The following PLP2 variants were observed in gnomAD, a reference collection of about 807,000 sequenced individuals.
The protein encoded by PLP2 is proteolipid protein 2.
In PLP2, 8 loss-of-function variants were observed where a neutral mutation model predicts 11.4. The ratio of observed to expected loss-of-function variants is 0.70; its 90% CI spans 0.41 to 1.27. The LOEUF (loss-of-function observed/expected upper bound fraction) is 1.27, where lower values mean the gene tolerates loss of function less well. Ranked by LOEUF, PLP2 falls within the 50% of genes most tolerant of loss-of-function variation. PLP2 has a pLI of 0.01. For missense variants in PLP2, 127 were observed against 123.5 expected, an observed-to-expected ratio of 1.03 and a Z score of -0.14; for synonymous variants, 50 against 53.2, an observed-to-expected ratio of 0.94 and a Z score of 0.26.
rs782798646 is a variant in PLP2, at chrX:49,172,137, G to A, written c.96+41G>A. 3.3e-5 allele frequency: 32 copies of A among 978,707 alleles called. No homozygotes were observed. In the South Asian group the frequency reaches 6.0e-4, roughly 18 times the overall value. 80.7% of individuals were successfully genotyped at this position (978,707 alleles called of 1,213,427 possible). A position where few individuals can be genotyped will look rare whatever the true frequency, so the allele number is the denominator to read the frequency against. ...CAGGCGCGTGGGCAAAAGCGGGATG[G>A]GGTGGCTGGACCATGCGGAACTGGA... On this transcript the variant is annotated intron_variant, in intron 1 of 4. Transcript: ENST00000376327.
At chrX:49,172,177 C>T (rs1312367673) in intron 1 of PLP2, 81 bp downstream of exon 1, 5 of 733,157 alleles carry the variant, frequency 6.8e-6, no homozygotes, top group Non-Finnish European at 1.0e-5. Flanking sequence ...CCGGGTGAGG[C>T]AGGCACTTGG....
At position 49,171,963 on chromosome X, in the gene PLP2, G is replaced by C; in HGVS notation, c.-38G>C. On this transcript the variant is annotated 5_prime_UTR_variant, in exon 1 of 5. Coordinates refer to ENST00000376327, the MANE Select transcript of PLP2 (RefSeq NM_002668.3). ...CGTCCTCGAAACCACGAGCAAGTGA[G>C]CAGATCCTCCGAGGCACCAGGGACT... 1.0e-6 allele frequency: 1 copy of C among 960,177 alleles called. No individual in the cohort carries two copies. 79.1% of individuals were successfully genotyped at this position (960,177 alleles called of 1,213,427 possible).
intron 3 of PLP2, among the ~76,000 whole-genome samples, chrX:49,174,053 A>G (rs782066536): frequency 9.0e-6 from 1 of 110,572 alleles, no homozygotes; most frequent in East Asian, 2.8e-4. Context: ...CCAGTGACAG[A>G]TGGGTGACAG....
Position 49,173,174 on chromosome X carries a change from G to C in PLP2, c.142G>C (p.Gly48Arg), listed in dbSNP as rs1317381664. 2 of 1,206,942 alleles carry C rather than the reference G, an allele frequency of 1.7e-6. No homozygotes were observed. The highest frequency in any genetic ancestry group is 3.5e-5 in the African/African-American group (2 of 56,809). Residue 48 changes from glycine (G) to arginine (R), a missense_variant, in exon 2 of 5, where the codon GGC becomes CGC. Gly to Arg is a moderately radical substitution (Grantham distance 125, BLOSUM62 -2). Coordinates refer to ENST00000376327, the MANE Select transcript of PLP2 (RefSeq NM_002668.3). ...ILICFSASTP[G>R]YSSLSVIEMI... ...GATCTGCTTCAGTGCCTCCACACCA[G>C]GCTACTCCTCCCTGTCGGTGATTGA...
At chrX:49,172,143 C>A in intron 1 of PLP2, 47 bp downstream of exon 1, 1 of 926,844 alleles carries the variant, frequency 1.1e-6, no homozygotes, top group Non-Finnish European at 1.5e-6. Context: ...GATGGGGTGG[C>A]TGGACCATGC....
intron 3 of PLP2, 168 bp downstream of exon 3, chrX:49,173,651 T>C (rs782049320): frequency 1.1e-4 from 118 of 1,038,881 alleles, no homozygotes; most frequent in Non-Finnish European, 1.5e-4. Flanking sequence ...TCCCAAGGTC[T>C]TCATTTGCTG....
At chrX:49,172,189 CG>C (rs1412943960) in intron 1 of PLP2, 93 bp downstream of exon 1, 44 of 646,995 alleles carry the variant, frequency 6.8e-5, no homozygotes, top group Non-Finnish European at 1.0e-4. Flanking sequence ...GGCACTTGGC[CG>C]GGGCGCTCGG....
chrX:49,173,716 G>C, intron 3 of PLP2: 1 of 623,139 alleles, frequency 1.6e-6, no homozygotes, highest in Non-Finnish European at 2.5e-6. Context: ...ACAAACAGGC[G>C]GCCCCTTTGT....
chrX:49,174,350 G>C lies in PLP2; in HGVS notation c.361G>C (p.Ala121Pro). 8.3e-7 allele frequency: 1 copy of C among 1,209,190 alleles called. No individual in the cohort carries two copies. The highest frequency in any genetic ancestry group is 1.1e-6 in the Non-Finnish European group (1 of 893,310). ...TGTCCCCCAGGTACTGGGCCTAATC[G>C]CTACGTGCCTCTTTGGCTATGATGC... ...KIVAGVLGLI[A>P]TCLFGYDAYV... The change falls in exon 4 of 5, where the codon GCT becomes CCT. Residue 121 changes from alanine to proline, a missense_variant. Physicochemically the swap from Ala to Pro is conservative, Grantham distance 27. Transcript: ENST00000376327.
intron 1 of PLP2, 73 bp from the exon 2 acceptor site, chrX:49,173,056 G>T: frequency 1.0e-6 from 1 of 990,188 alleles, no homozygotes; most frequent in Non-Finnish European, 1.4e-6. Context: ...CTTAGTATGG[G>T]ACCCCCAATT....
In PLP2 at chrX:49,173,209, T is replaced by C. The variant is rs1557099403; in HGVS notation, c.177T>C (p.Leu59=). ...CCCTGTCGGTGATTGAGATGATCCT[T>C]GCTGCTATTTTCTTTGTTGTCTACA... ...YSSLSVIEMI[L]AAIFFVVYMC... The change falls in exon 2 of 5, where the codon CTT becomes CTC. Residue 59 remains leucine (L), a synonymous_variant. Transcript: ENST00000376327. 8.3e-7 allele frequency: 1 copy of C among 1,209,859 alleles called. No individual in the cohort carries two copies. Among genetic ancestry groups the C allele is most frequent in the Admixed American group, 2.2e-5 (1 of 45,977 alleles).
chrX:49,173,619 T>A lies in PLP2; in HGVS notation c.345+136T>A, dbSNP rs782301397. ...TTGTCCTCAGACATGGAGGAAAGTC[T>A]GGCCCAGGACTTGGTTTTGCCTCCC... is the stretch of plus-strand genomic sequence containing the variant. On this transcript the variant is annotated intron_variant, in intron 3 of 4. Transcript: ENST00000376327. The A allele has an allele frequency of 4.3e-6, 5 of 1,150,958 alleles. No homozygotes were observed. In the African/African-American group the frequency reaches 7.2e-5, roughly 17 times the overall value. The allele number at this position is 1,150,958 out of a possible 1,213,427, so 94.9% of individuals were successfully genotyped here. A position where few individuals can be genotyped will look rare whatever the true frequency, so the allele number is the denominator to read the frequency against.
chrX:49,174,474 C>A, intron 4 of PLP2, 49 bp downstream of exon 4: 1 of 1,060,580 alleles, frequency 9.4e-7, no homozygotes, highest in Non-Finnish European at 1.3e-6. Flanking sequence ...GCTGAGAGGG[C>A]AGAGGGAAAA....
At position 49,174,912 on chromosome X, in the gene PLP2, C is replaced by G; in HGVS notation, c.*218C>G. ...GCCTAGGTCCTCCTTCTGCACGATC[C>G]AATAGGAGACACCAGTTCTGACTGA... On this transcript the variant is annotated 3_prime_UTR_variant, in exon 5 of 5. Coordinates refer to ENST00000376327, the MANE Select transcript of PLP2 (RefSeq NM_002668.3). 1 of 464,505 alleles carries G rather than the reference C, an allele frequency of 2.2e-6. No homozygotes were observed. The highest frequency in any genetic ancestry group is 3.2e-5 in the South Asian group (1 of 31,596). 38.3% of individuals were successfully genotyped at this position (464,505 alleles called of 1,213,427 possible).
In PLP2 at chrX:49,174,689, G is replaced by C; in HGVS notation, c.454G>C (p.Val152Leu). ...AAPTDPADGP[V>L] ...ACCTGCAGACCCCGCAGATGGCCCG[G>C]TGTAGGCGAACTTCCCTCATTTCTC... is the stretch of plus-strand genomic sequence containing the variant. Residue 152 changes from valine to leucine, a missense_variant, in exon 5 of 5, where the codon GTG (valine) becomes CTG (leucine). Val to Leu is a conservative substitution (Grantham distance 32). Transcript: ENST00000376327. The C allele has an allele frequency of 8.3e-7, 1 of 1,205,287 alleles. No homozygotes were observed. Among genetic ancestry groups the C allele is most frequent in the East Asian group, 3.0e-5 (1 of 33,839 alleles).
At chrX:49,173,659 C>A (rs1602594718) in intron 3 of PLP2, 176 bp downstream of exon 3, 1 of 1,002,227 alleles carries the variant, frequency 1.0e-6, no homozygotes, top group Non-Finnish European at 1.4e-6. Context: ...TCTTCATTTG[C>A]TGTGAAGGGA....
chrX:49,173,755 C>G (rs1252517217), intron 3 of PLP2: 2 of 482,613 alleles, frequency 4.1e-6, no homozygotes, highest in Non-Finnish European at 6.9e-6. Flanking sequence ...TCTGCAAGAA[C>G]TTTGTCCCAA....
At chrX:49,174,211 C>A in intron 3 of PLP2, 124 bp from the exon 4 acceptor site, 1 of 547,418 alleles carries the variant, frequency 1.8e-6, no homozygotes, top group Non-Finnish European at 3.2e-6. Flanking sequence ...CCTGGCTTAC[C>A]AACCCGGTGC....
rs1420886226 is a variant in PLP2 at position 49,171,911 on chromosome X, C to A, written c.-90C>A. 2 of 664,051 alleles carry A rather than the reference C, an allele frequency of 3.0e-6. No homozygotes were observed. The highest frequency in any genetic ancestry group is 2.6e-5 in the Admixed American group (1 of 38,273). The allele number at this position is 664,051 out of a possible 1,213,427, so 54.7% of individuals were successfully genotyped here. On this transcript the variant is annotated 5_prime_UTR_variant, in exon 1 of 5. Transcript: ENST00000376327. ...CCCCGGGGCCCCCTTCCCGGCCAGA[C>A]GGCGGGCAAGACAGCTGGGTGTACA... is the stretch of plus-strand genomic sequence containing the variant.
Sources: gnomAD v4.1 joint callset for allele counts (sites outside exome capture counted in the v4.1 genomes callset) on GRCh38, gnomAD v4.1.1 for gene constraint, MANE v1.5 for transcripts, NCBI Gene and HGNC (gene_info 2026-07-23, HGNC 2026-07-21) for gene names.